The following DPP4 variants were observed in gnomAD, a reference collection of about 807,000 sequenced individuals.
DPP4 encodes the protein ADCP-2.
Under a neutral mutation model 122.4 loss-of-function variants are expected in DPP4, and 93 were observed. The ratio of observed to expected loss-of-function variants is 0.76; its 90% confidence interval spans 0.64 to 0.90. The LOEUF (loss-of-function observed/expected upper bound fraction) is 0.90, where lower values mean the gene tolerates loss of function less well. DPP4 is among the 40% of genes least tolerant of loss of function. The pLI, the probability that DPP4 is intolerant of heterozygous loss-of-function variation, is 0.00. For missense variants in DPP4, 914 were observed against 907.3 expected (o/e 1.01, Z -0.09); for synonymous variants, 321 against 302.9 (o/e 1.06, Z -0.62).
chr2:161,993,367 G>GTCT lies in DPP4; in HGVS notation c.2214_2216dup (p.Glu738dup). 6.2e-7 allele frequency: 1 copy of GTCT among 1,612,234 alleles called. No homozygotes were observed. The highest frequency in any genetic ancestry group is 8.5e-7 in the Non-Finnish European group (1 of 1,178,524). On this transcript the variant is annotated inframe_insertion, in exon 26 of 26. Coordinates refer to ENST00000360534, the MANE Select transcript of DPP4 (RefSeq NM_001935.4). ...GTGCTGTGCTGCTAGCTATTCCATG[G>GTCT]TCTTCATCAGTATACCACTAGAGAG... is the stretch of plus-strand genomic sequence containing the variant.
chr2:162,048,592 G>A (rs1684271830), intron 2 of DPP4, among the ~76,000 whole-genome samples: 1 of 152,094 alleles, frequency 6.6e-6, no homozygotes. Flanking sequence ...ACTGAACCCA[G>A]AAGATCTTGG....
At chr2:162,047,726 T>C (rs1160388718) in intron 2 of DPP4, among the ~76,000 whole-genome samples, 1 of 152,188 alleles carries the variant, frequency 6.6e-6, no homozygotes, top group African/African-American at 2.4e-5. Context: ...TCTGCTGTAT[T>C]ATGCTATATT....
intron 23 of DPP4, among the ~76,000 whole-genome samples, chr2:161,997,722 T>A (rs1323674596): frequency 6.6e-6 from 1 of 152,192 alleles, no homozygotes; most frequent in Non-Finnish European, 1.5e-5. Context: ...CACATATAAA[T>A]AAGGGTTTAT....
At chr2:162,017,723 C>A (rs1682975184) in intron 16 of DPP4, among the ~76,000 whole-genome samples, 1 of 152,220 alleles carries the variant, frequency 6.6e-6, no homozygotes, top group Non-Finnish European at 1.5e-5. Context: ...TTTATCCCAA[C>A]TGTGGTAGTT....
chr2:162,002,221 G>A (rs1701167498), intron 23 of DPP4, among the ~76,000 whole-genome samples: 1 of 152,332 alleles, frequency 6.6e-6, no homozygotes, highest in African/African-American at 2.4e-5. Context: ...TTCCATTCAT[G>A]TATGCAAATG....
At chr2:162,065,419 G>T (rs754913619) in intron 2 of DPP4, among the ~76,000 whole-genome samples, 4 of 152,186 alleles carry the variant, frequency 2.6e-5, no homozygotes, top group Non-Finnish European at 4.4e-5. Context: ...AGGTGGAAAG[G>T]CCCCATGTTC....
intron 3 of DPP4, 120 bp downstream of exon 3, chr2:162,047,283 A>T: frequency 1.8e-6 from 1 of 557,376 alleles, no homozygotes; most frequent in Non-Finnish European, 3.0e-6. Flanking sequence ...GAAAAAAAAA[A>T]CTCTCTATAG....
At chr2:162,005,141 A>G (rs1350095473) in intron 23 of DPP4, among the ~76,000 whole-genome samples, 2 of 152,200 alleles carry the variant, frequency 1.3e-5, no homozygotes, top group African/African-American at 4.8e-5. Context: ...TGATAGTTGC[A>G]CCCACACCAT....
Position 162,073,482 on chromosome 2 carries a change from G to C in DPP4, c.11C>G (p.Pro4Arg). The C allele has an allele frequency of 6.2e-7, 1 of 1,613,830 alleles. No homozygotes were observed. The highest frequency in any genetic ancestry group is 8.5e-7 in the Non-Finnish European group (1 of 1,180,004). ...CAGCAGTCCCAGAAGAACCTTCCAC[G>C]GTGTCTGCAAGCCGAGCAGATCAAG... is the stretch of plus-strand genomic sequence containing the variant. MKTPWKVLLGLLGA... is the reference protein window; with the variant it reads MKTRWKVLLGLLGA... Residue 4 changes from proline to arginine, a missense_variant, in exon 2 of 26, where the codon CCG (proline) becomes CGG (arginine). Coordinates refer to ENST00000360534, the MANE Select transcript of DPP4 (RefSeq NM_001935.4).
chr2:162,032,845 C>A (rs112195455), intron 10 of DPP4, among the ~76,000 whole-genome samples: 4 of 152,134 alleles, frequency 2.6e-5, no homozygotes, highest in African/African-American at 9.7e-5. Flanking sequence ...TGCTCCATGG[C>A]GGAATTTCAA....
chr2:162,051,656 A>C (rs908527354), intron 2 of DPP4, among the ~76,000 whole-genome samples: 2 of 152,228 alleles, frequency 1.3e-5, no homozygotes, highest in Admixed American at 6.5e-5. Flanking sequence ...TTACTCCAAA[A>C]TTTGCTTTAG....
chr2:162,051,416 T>C (rs1223804495), intron 2 of DPP4, among the ~76,000 whole-genome samples: 1 of 152,256 alleles, frequency 6.6e-6, no homozygotes, highest in East Asian at 1.9e-4. Flanking sequence ...CTGTACTAAA[T>C]TGACATATAA....
intron 4 of DPP4, 65 bp from the exon 5 acceptor site, chr2:162,045,677 A>T: frequency 8.8e-7 from 1 of 1,142,766 alleles, no homozygotes; most frequent in Admixed American, 1.7e-5. Context: ...CTGTGCACTT[A>T]CTTCATAGGG....
intron 5 of DPP4, among the ~76,000 whole-genome samples, chr2:162,042,145 A>C (rs1285297254): frequency 6.6e-6 from 1 of 152,202 alleles, no homozygotes; most frequent in African/African-American, 2.4e-5. Context: ...TCTAACCTGG[A>C]TTCAGGCTTT....
At chr2:162,025,320 ACTGG>A (rs1683286817) in intron 10 of DPP4, among the ~76,000 whole-genome samples, 1 of 152,082 alleles carries the variant, frequency 6.6e-6, no homozygotes, top group African/African-American at 2.4e-5. Flanking sequence ...GGCCACAGAC[ACTGG>A]CTAAGATTTG....
intron 12 of DPP4, chr2:162,021,431 T>G (rs796833254): frequency 2.6e-5 from 4 of 152,318 alleles, no homozygotes; most frequent in African/African-American, 9.6e-5. Context: ...AGGAATATGT[T>G]GGTTTACGAT....
At chr2:161,999,934 A>G (rs544887547) in intron 23 of DPP4, among the ~76,000 whole-genome samples, 2 of 152,276 alleles carry the variant, frequency 1.3e-5, no homozygotes, top group African/African-American at 4.8e-5. Flanking sequence ...AGATGAGGAA[A>G]CTGAGATTCA....
Position 161,993,374 on chromosome 2 carries a change from T to C in DPP4, c.2210A>G (p.Asp737Gly), listed in dbSNP as rs1277223417. 6.2e-7 allele frequency: 1 copy of C among 1,610,720 alleles called. No individual in the cohort carries two copies. Among genetic ancestry groups the C allele is most frequent in the South Asian group, 1.1e-5 (1 of 91,006 alleles). Reference sequence around the variant, plus strand: ...GCTGCTAGCTATTCCATGGTCTTCATCAGTATACCACTAGAGAGAGAAAGA... The same window carrying C: ...GCTGCTAGCTATTCCATGGTCTTCACCAGTATACCACTAGAGAGAGAAAGA... ...GVDFQAMWYT[D>G]EDHGIASSTA... Residue 737 changes from aspartate (D) to glycine (G), a missense_variant, in exon 26 of 26, where the codon GAT (aspartate) becomes GGT (glycine). By Grantham distance (94) the Asp-to-Gly change is moderately conservative. Coordinates refer to ENST00000360534, the MANE Select transcript of DPP4 (RefSeq NM_001935.4).
At chr2:162,031,664 G>C (rs895198840) in intron 10 of DPP4, among the ~76,000 whole-genome samples, 18 of 152,048 alleles carry the variant, frequency 1.2e-4, no homozygotes, top group African/African-American at 4.4e-4. Flanking sequence ...CATTCTCCAG[G>C]GGGTATTTTT....
Sources: gnomAD v4.1 joint callset for allele counts (sites outside exome capture counted in the v4.1 genomes callset) on GRCh38, gnomAD v4.1.1 for gene constraint, MANE v1.5 for transcripts, NCBI Gene and HGNC (gene_info 2026-07-23, HGNC 2026-07-21) for gene names.